Variants in CDK13 observed in about 807,000 individuals in gnomAD.
CDK13 encodes cyclin dependent kinase 13, also known as cyclin-dependent kinase 13.
In CDK13, 40 loss-of-function variants were observed where a neutral mutation model predicts 137.6. The observed-to-expected ratio is 0.29, with a 90% CI of 0.23 to 0.38. The LOEUF is 0.38. Among genes scored for constraint, CDK13 ranks in the 10% least tolerant of loss-of-function variants. The pLI is 1.00. For synonymous variants in CDK13, 869 were observed against 760.1 expected, an observed-to-expected ratio of 1.14 and a Z score of -2.36; for missense variants, 1,704 against 1,951.8, an observed-to-expected ratio of 0.87 and a Z score of 2.39.
At position 40,099,075 on chromosome 7, in the gene CDK13, AAAC is replaced by A. The variant is rs913202888; in HGVS notation, c.*4101_*4103del. 9.9e-5 allele frequency: 15 copies of A among 151,958 alleles called. No individual in the cohort carries two copies. The highest frequency in any genetic ancestry group is 3.3e-4 in the Admixed American group (5 of 15,256). 9.4% of individuals were successfully genotyped at this position (151,958 alleles called of 1,614,324 possible). The stretch of plus-strand genomic sequence containing the variant: ...TATTGATTTGGAACTTTAAAAAAAA[AAAC>A]AACAAAAAAATACTTTCAGGGTTTT... On this transcript the variant is annotated 3_prime_UTR_variant, in exon 14 of 14. Transcript: ENST00000181839.
At chr7:40,024,503 G>A (rs1482443898) in intron 5 of CDK13, among the ~76,000 whole-genome samples, 1 of 152,110 alleles carries the variant, frequency 6.6e-6, no homozygotes, top group African/African-American at 2.4e-5. Flanking sequence ...CGTTTATTAT[G>A]TTGACTTGCT....
At chr7:40,048,415 A>G (rs1214569447) in intron 7 of CDK13, 1 of 152,170 alleles carries the variant, frequency 6.6e-6, no homozygotes, top group Admixed American at 6.5e-5. Context: ...GTAGTGAAAT[A>G]TGATTTGTCT....
At chr7:40,086,382 T>C (rs1030915573) in intron 11 of CDK13, among the ~76,000 whole-genome samples, 1 of 152,190 alleles carries the variant, frequency 6.6e-6, no homozygotes, top group African/African-American at 2.4e-5. Flanking sequence ...TAGGTATATA[T>C]TACCAGGTGG....
Position 40,098,660 on chromosome 7 carries a change from G to A in CDK13, c.*3680G>A, listed in dbSNP as rs554642709. 1 of 151,858 alleles carries A rather than the reference G, an allele frequency of 6.6e-6. No individual in the cohort carries two copies. The highest frequency in any genetic ancestry group is 6.6e-5 in the Admixed American group (1 of 15,222). 9.4% of individuals were successfully genotyped at this position (151,858 alleles called of 1,614,324 possible). ...AAAATAAGGCTTAGAAAGAGGGATT[G>A]CCAGAAACTTTGGCAGCTGGATTGC... On this transcript the variant is annotated 3_prime_UTR_variant, in exon 14 of 14. Transcript: ENST00000181839.
chr7:40,053,468 C>A (rs1006522284), intron 7 of CDK13, among the ~76,000 whole-genome samples: 4 of 152,178 alleles, frequency 2.6e-5, no homozygotes, highest in African/African-American at 7.2e-5. Flanking sequence ...TCCAGCCCCC[C>A]TGATAATAGC....
intron 3 of CDK13, chr7:39,998,847 G>C (rs1214112095): frequency 6.6e-6 from 1 of 151,438 alleles, no homozygotes; most frequent in Non-Finnish European, 1.5e-5. Context: ...CTCTTAGACT[G>C]AAAAATCTTT....
intron 9 of CDK13, among the ~76,000 whole-genome samples, chr7:40,063,904 CCCG>C (rs1374783692): frequency 6.6e-6 from 1 of 152,108 alleles, no homozygotes; most frequent in Non-Finnish European, 1.5e-5. Context: ...GTGACTGCCC[CCCG>C]CCTCGTTCTC....
intron 2 of CDK13, among the ~76,000 whole-genome samples, chr7:39,991,484 A>AGTGTGTGTGT (rs66520870): frequency 3.5e-5 from 5 of 143,774 alleles, no homozygotes; most frequent in South Asian, 2.3e-4. Flanking sequence ...CATTAGCAAA[A>AGTGTGTGTGT]GTGTGTGTGT....
intron 11 of CDK13, among the ~76,000 whole-genome samples, chr7:40,084,001 A>C (rs554731264): frequency 6.6e-6 from 1 of 152,310 alleles, no homozygotes; most frequent in South Asian, 2.1e-4. Context: ...AACTCTTTTG[A>C]TCAATTTTTT....
At position 40,039,434 on chromosome 7, in the gene CDK13, A is replaced by ATTTTTTTTTTTTTTTTTTTTTTTTTTTT. The variant is rs976319927; in HGVS notation, c.2354-6379_2354-6378insTTTTTTTTTTTTTTTTTTTTTTTTTTTT. On this transcript the variant is annotated intron_variant, in intron 5 of 13. Coordinates refer to ENST00000181839, the MANE Select transcript of CDK13 (RefSeq NM_003718.5). ...AGGTGCCCACGACCATGCCCGGCTA[A>ATTTTTTTTTTTTTTTTTTTTTTTTTTTT]TTTTTTTTTTTTTTTTTTTTTTTGC... Among the ~76,000 whole-genome samples the ATTTTTTTTTTTTTTTTTTTTTTTTTTTT allele has an allele frequency of 7.1e-5, 6 of 85,000 alleles. 2 individuals are homozygous for ATTTTTTTTTTTTTTTTTTTTTTTTTTTT. The highest frequency in any genetic ancestry group is 3.3e-4 in the African/African-American group (6 of 18,014). 55.8% of individuals were successfully genotyped at this position (85,000 alleles called of 152,430 possible).
chr7:40,017,789 C>A (rs1181488355), intron 5 of CDK13, among the ~76,000 whole-genome samples: 1 of 151,102 alleles, frequency 6.6e-6, no homozygotes, highest in African/African-American at 2.4e-5. Flanking sequence ...AAGGCTGAAT[C>A]CTTGGCAGAA....
At chr7:40,088,024 A>T in intron 11 of CDK13, 102 bp from the exon 12 acceptor site, 2 of 874,678 alleles carry the variant, frequency 2.3e-6, no homozygotes, top group Non-Finnish European at 3.5e-6. Context: ...GAAGTCTTCA[A>T]GAACTATTTG....
At position 39,950,640 on chromosome 7, in the gene CDK13, C is replaced by T. The variant is rs776666620; in HGVS notation, c.-2C>T. 30 of 1,323,418 alleles carry T rather than the reference C, an allele frequency of 2.3e-5. No homozygotes were observed. The highest frequency in any genetic ancestry group is 1.2e-4 in the East Asian group (4 of 32,026). The allele number at this position is 1,323,418 out of a possible 1,614,324, so 82.0% of individuals were successfully genotyped here. ...GCCGCGCTCTGCGGCTGGCTCTAGGCGATGCCGAGCAGCTCGGACACGGCG... is the reference window on the plus strand; with the variant it reads ...GCCGCGCTCTGCGGCTGGCTCTAGGTGATGCCGAGCAGCTCGGACACGGCG... On this transcript the variant is annotated 5_prime_UTR_variant, in exon 1 of 14. Transcript: ENST00000181839.
intron 5 of CDK13, among the ~76,000 whole-genome samples, chr7:40,011,551 C>T (rs1004710675): frequency 1.3e-5 from 2 of 152,158 alleles, no homozygotes; most frequent in African/African-American, 4.8e-5. Flanking sequence ...AATAGCTTTT[C>T]AGCAACTGGT....
intron 9 of CDK13, chr7:40,069,253 C>A (rs1786356980): frequency 1.4e-5 from 6 of 443,234 alleles, no homozygotes; most frequent in South Asian, 9.5e-5. Context: ...AGAAATAAAA[C>A]AACAAAACAT....
rs1787055272 is a variant in CDK13, at chr7:40,096,676, C to T, written c.*1696C>T. 2 of 151,968 alleles carry T rather than the reference C, an allele frequency of 1.3e-5. No homozygotes were observed. Among genetic ancestry groups the T allele is most frequent in the Non-Finnish European group, 2.9e-5 (2 of 67,944 alleles). 9.4% of individuals were successfully genotyped at this position (151,968 alleles called of 1,614,324 possible). A position where few individuals can be genotyped will look rare whatever the true frequency, so the allele number is the denominator to read the frequency against. On this transcript the variant is annotated 3_prime_UTR_variant, in exon 14 of 14. Coordinates refer to ENST00000181839, the MANE Select transcript of CDK13 (RefSeq NM_003718.5). The stretch of plus-strand genomic sequence containing the variant: ...ACCCTGTGCCCTCTAACTTATGAAC[C>T]TTCATTTCAAAACAGTATGTGGGAA...
chr7:39,989,243 T>C (rs1784408597), intron 2 of CDK13, among the ~76,000 whole-genome samples: 2 of 152,046 alleles, frequency 1.3e-5, no homozygotes, highest in Admixed American at 6.5e-5. Context: ...GCTAAGAATG[T>C]TTCTTTTTTG....
intron 5 of CDK13, among the ~76,000 whole-genome samples, chr7:40,031,888 T>G (rs1237501734): frequency 6.6e-6 from 1 of 150,598 alleles, no homozygotes; most frequent in African/African-American, 2.4e-5. Flanking sequence ...GGTCTTGTTA[T>G]GTTGCCCAGG....
intron 1 of CDK13, chr7:39,984,819 C>T (rs1361185170): frequency 6.6e-6 from 1 of 152,010 alleles, no homozygotes. Flanking sequence ...ACTAAAAATA[C>T]AAATACTAGC....
Sources: allele counts gnomAD v4.1 joint callset (sites outside exome capture counted in the v4.1 genomes callset), GRCh38; gene constraint gnomAD v4.1.1; transcripts MANE v1.5; gene names NCBI Gene and HGNC (gene_info 2026-07-23, HGNC 2026-07-21).